The following PHF24 variants were observed in gnomAD, a reference collection of about 807,000 sequenced individuals.
The protein encoded by PHF24 is PHD finger protein 24.
Under a neutral mutation model 42.6 loss-of-function variants are expected in PHF24, and 25 were observed. That is an observed-to-expected ratio of 0.59 (90% CI 0.43 to 0.82). PHF24 has a LOEUF of 0.82. Ranked by LOEUF, PHF24 falls within the 40% of genes least tolerant of loss-of-function variation. PHF24 has a pLI of 0.00. For missense variants in PHF24, 470 were observed against 538.1 expected (o/e 0.87, Z 1.25); for synonymous variants, 185 against 204.8 (o/e 0.90, Z 0.83).
the PHF24 span, chr9:34,917,253 C>A: frequency 8.5e-7 from 1 of 1,173,752 alleles, no homozygotes; most frequent in Non-Finnish European, 1.3e-6. Flanking sequence ...TGAGAAAGTC[C>A]GGGTCATGTA....
At chr9:34,878,884 G>A in the PHF24 span, among the ~76,000 whole-genome samples, 2 of 152,182 alleles carry the variant, frequency 1.3e-5, no homozygotes, top group African/African-American at 4.8e-5. Flanking sequence ...CCAGCACAGA[G>A]CTTGAGATCT....
the PHF24 span, among the ~76,000 whole-genome samples, chr9:34,797,197 G>A: frequency 6.6e-6 from 1 of 152,174 alleles, no homozygotes; most frequent in African/African-American, 2.4e-5. Flanking sequence ...AGGCTGTGGG[G>A]CTTTGACCCC....
the PHF24 span, among the ~76,000 whole-genome samples, chr9:34,863,576 A>G: frequency 6.6e-6 from 1 of 152,258 alleles, no homozygotes; most frequent in Non-Finnish European, 1.5e-5. Flanking sequence ...CAAGAAGCAC[A>G]GCATTACTGG....
chr9:34,947,054 A>C, the PHF24 span, among the ~76,000 whole-genome samples: 1 of 152,162 alleles, frequency 6.6e-6, no homozygotes, highest in Non-Finnish European at 1.5e-5. Context: ...ACTCTGCTCC[A>C]TGTGGTTCTC....
chr9:34,921,230 C>T, the PHF24 span, among the ~76,000 whole-genome samples: 7 of 149,502 alleles, frequency 4.7e-5, no homozygotes, highest in South Asian at 2.3e-4. Context: ...ATTTAATACA[C>T]GTGTTCTTAA....
the PHF24 span, among the ~76,000 whole-genome samples, chr9:34,823,212 A>T: frequency 2.7e-5 from 4 of 150,082 alleles, no homozygotes; most frequent in Admixed American, 2.6e-4. Context: ...CAAAAAAAAA[A>T]AAAAAAAAAA....
chr9:34,691,765 C>T, the PHF24 span, among the ~76,000 whole-genome samples: 2 of 152,196 alleles, frequency 1.3e-5, no homozygotes, highest in East Asian at 1.9e-4. Flanking sequence ...TATGTGGGAA[C>T]CAGTCCTTCC....
At chr9:34,687,764 C>G in the PHF24 span, among the ~76,000 whole-genome samples, 2 of 152,200 alleles carry the variant, frequency 1.3e-5, no homozygotes, top group Admixed American at 6.5e-5. Flanking sequence ...GCAATGTGCT[C>G]CCCTCCCATG....
At chr9:34,703,664 G>T in the PHF24 span, among the ~76,000 whole-genome samples, 2 of 150,454 alleles carry the variant, frequency 1.3e-5, no homozygotes, top group Admixed American at 6.6e-5. Flanking sequence ...AGGCTACTTT[G>T]CCTATGGAGT....
the PHF24 span, among the ~76,000 whole-genome samples, chr9:34,705,113 G>A: frequency 6.6e-6 from 1 of 151,646 alleles, no homozygotes; most frequent in South Asian, 2.1e-4. Context: ...TTGGATACTG[G>A]CATATGAATA....
At chr9:34,668,021 T>C in the PHF24 span, among the ~76,000 whole-genome samples, 1 of 152,178 alleles carries the variant, frequency 6.6e-6, no homozygotes. Context: ...CAAAGTGCCC[T>C]GCAGCCATCC....
the PHF24 span, among the ~76,000 whole-genome samples, chr9:34,669,820 A>G: frequency 6.6e-6 from 1 of 152,114 alleles, no homozygotes; most frequent in East Asian, 1.9e-4. Context: ...TTTATTACTC[A>G]TGAGCCCCTT....
chr9:34,835,997 A>G, the PHF24 span: 1 of 684,684 alleles, frequency 1.5e-6, no homozygotes, highest in Non-Finnish European at 2.7e-6. Flanking sequence ...ATTTGGCAAC[A>G]GGGATCTGTA....
chr9:34,772,413 C>T, the PHF24 span, among the ~76,000 whole-genome samples: 166 of 152,218 alleles, frequency 1.1e-3, 1 homozygote, highest in Middle Eastern at 0.02. Flanking sequence ...AAACAACCTA[C>T]GTGACTGGTT....
chr9:34,874,790 T>C, the PHF24 span, among the ~76,000 whole-genome samples: 2 of 152,240 alleles, frequency 1.3e-5, no homozygotes, highest in African/African-American at 2.4e-5. Context: ...ACACAGACTC[T>C]TCTTAAATTT....
chr9:34,920,814 A>G, the PHF24 span, among the ~76,000 whole-genome samples: 2 of 152,202 alleles, frequency 1.3e-5, no homozygotes, highest in Admixed American at 6.5e-5. Flanking sequence ...TGCTGTTAGC[A>G]TATAGAAATG....
the PHF24 span, among the ~76,000 whole-genome samples, chr9:34,839,101 C>T: frequency 3.9e-5 from 6 of 152,294 alleles, no homozygotes; most frequent in Admixed American, 2.0e-4. Context: ...GTCTGTGTGG[C>T]CTCAAGCTTG....
the PHF24 span, chr9:34,723,578 T>A: frequency 1.3e-6 from 2 of 1,551,688 alleles, no homozygotes; most frequent in African/African-American, 1.4e-5. Context: ...GGGGTTAATA[T>A]GCTGCAGAAA....
At chr9:34,674,414 G>A in the PHF24 span, among the ~76,000 whole-genome samples, 7 of 152,226 alleles carry the variant, frequency 4.6e-5, no homozygotes, top group African/African-American at 7.2e-5. Flanking sequence ...GTCTGGATCA[G>A]GGATTGGTAA....
Sources: allele counts gnomAD v4.1 joint callset (sites outside exome capture counted in the v4.1 genomes callset), GRCh38; gene constraint gnomAD v4.1.1; transcripts MANE v1.5; gene names NCBI Gene and HGNC (gene_info 2026-07-23, HGNC 2026-07-21).